ACSL1: variants seen among roughly 807,000 people sequenced by gnomAD.
ACSL1 encodes the protein acyl-CoA synthetase long chain family member 1.
ACSL1 carries 41 observed loss-of-function variants against 98.4 expected under a neutral mutation model. That is an observed-to-expected ratio of 0.42 (90% CI 0.32 to 0.54). The LOEUF (loss-of-function observed/expected upper bound fraction) is 0.54. Ranked by LOEUF, ACSL1 falls within the 20% of genes least tolerant of loss-of-function variation. ACSL1 has a pLI of 0.13. For synonymous variants in ACSL1, 316 were observed against 322.7 expected (o/e 0.98, Z 0.22); for missense variants, 734 against 883.1 (o/e 0.83, Z 2.14).
chr4:184,819,214 C>T (rs931653804), intron 1 of ACSL1, among the ~76,000 whole-genome samples: 5 of 150,398 alleles, frequency 3.3e-5, no homozygotes, highest in African/African-American at 1.2e-4. Context: ...ACGATCTTGG[C>T]TCACTGCAAC....
At chr4:184,769,951 A>C (rs1475639837) in intron 11 of ACSL1, among the ~76,000 whole-genome samples, 1 of 152,222 alleles carries the variant, frequency 6.6e-6, no homozygotes, top group African/African-American at 2.4e-5. Context: ...TCGCAAGCCA[A>C]CTTGTGCATT....
At chr4:184,798,311 A>C (rs1354899141) in intron 2 of ACSL1, 3 of 152,250 alleles carry the variant, frequency 2.0e-5, no homozygotes, top group Non-Finnish European at 4.4e-5. Context: ...ACTTGCTAAA[A>C]TTTATTCCCT....
intron 5 of ACSL1, among the ~76,000 whole-genome samples, chr4:184,779,383 GC>G (rs555552308): frequency 2.0e-5 from 3 of 152,012 alleles, no homozygotes; most frequent in South Asian, 4.2e-4. Flanking sequence ...TGATTCTGAG[GC>G]CCCCCCAGCC....
chr4:184,798,963 T>C (rs1170770335), intron 2 of ACSL1: 2 of 152,250 alleles, frequency 1.3e-5, no homozygotes, highest in African/African-American at 2.4e-5. Context: ...CAAACTCTGA[T>C]AGGTGGACCT....
intron 17 of ACSL1, among the ~76,000 whole-genome samples, chr4:184,762,070 T>A (rs1416128660): frequency 6.6e-6 from 1 of 150,710 alleles, no homozygotes; most frequent in Non-Finnish European, 1.5e-5. Context: ...GAGGTTGCAG[T>A]GAGCCGAGAT....
intron 1 of ACSL1, among the ~76,000 whole-genome samples, chr4:184,811,254 A>T (rs112536602): frequency 3.7e-4 from 55 of 150,610 alleles, no homozygotes; most frequent in Admixed American, 2.1e-3. Context: ...AACTTCAGGC[A>T]CCCGCCACCA....
chr4:184,792,325 A>G (rs998687178), intron 2 of ACSL1, among the ~76,000 whole-genome samples: 2 of 152,244 alleles, frequency 1.3e-5, no homozygotes, highest in Admixed American at 6.5e-5. Flanking sequence ...GTTGTCAGAC[A>G]TAACTGTAAT....
At chr4:184,815,146 G>T in intron 1 of ACSL1, 1 of 455,466 alleles carries the variant, frequency 2.2e-6, no homozygotes, top group Non-Finnish European at 4.4e-6. Context: ...AAAACAGTAC[G>T]CATGCACCAG....
chr4:184,817,117 T>C (rs1354858720), intron 1 of ACSL1, among the ~76,000 whole-genome samples: 1 of 152,066 alleles, frequency 6.6e-6, no homozygotes, highest in African/African-American at 2.4e-5. Flanking sequence ...TTAACCTGAC[T>C]CTCCTTAAGT....
intron 2 of ACSL1, among the ~76,000 whole-genome samples, chr4:184,800,633 A>G (rs1770331109): frequency 6.6e-6 from 1 of 152,216 alleles, no homozygotes; most frequent in Non-Finnish European, 1.5e-5. Flanking sequence ...AGAAGATAGA[A>G]GCTCTTCCTT....
chr4:184,760,191 A>C (rs1762662191), intron 18 of ACSL1, among the ~76,000 whole-genome samples, 166 bp downstream of exon 18: 1 of 152,224 alleles, frequency 6.6e-6, no homozygotes, highest in South Asian at 2.1e-4. Context: ...CCTGAGCAGG[A>C]AATGCCAAGC....
In ACSL1 at chr4:184,773,414, C is replaced by T. The variant is rs943838630; in HGVS notation, c.841+249G>A. Among the ~76,000 whole-genome samples, 2 of 152,112 alleles carry T rather than the reference C, an allele frequency of 1.3e-5. No homozygotes were observed. The highest frequency in any genetic ancestry group is 3.8e-4 in the East Asian group (2 of 5,198). ...AACCAGAAATTTTCTTCCTGGGAGC[C>T]ACCGATATAGTCTGTCCTAGGAAGA... On this transcript the variant is annotated intron_variant, in intron 9 of 20. Transcript: ENST00000281455. The surrounding 1 kb of genome is among the most constrained non-coding windows in gnomAD (Gnocchi z 4.3).
Position 184,768,308 on chromosome 4 carries a change from GA to G in ACSL1, c.1128+7del. The G allele has an allele frequency of 3.7e-6, 6 of 1,610,572 alleles. No individual in the cohort carries two copies. The South Asian group carries it at 6.6e-5, about 18-fold the overall frequency. Reference sequence around the variant, plus strand: ...CTCAGTCCTGGGACTTCGCTGCTTGGAACTTACTCGGTCAAACATCCGGTTC... The same window carrying G: ...CTCAGTCCTGGGACTTCGCTGCTTGGACTTACTCGGTCAAACATCCGGTTC... On this transcript the variant is annotated splice_region_variant and intron_variant, in intron 12 of 20. Coordinates refer to ENST00000281455, the MANE Select transcript of ACSL1 (RefSeq NM_001995.5).
chr4:184,799,692 T>G (rs1475469093), intron 2 of ACSL1, among the ~76,000 whole-genome samples: 3 of 152,012 alleles, frequency 2.0e-5, no homozygotes, highest in African/African-American at 7.2e-5. Context: ...TAAAAAAATT[T>G]TTTTTAATTA....
At chr4:184,801,565 G>T (rs182706225) in intron 2 of ACSL1, among the ~76,000 whole-genome samples, 1 of 152,254 alleles carries the variant, frequency 6.6e-6, no homozygotes, top group African/African-American at 2.4e-5. Flanking sequence ...CTATATCAAA[G>T]CATCTGTAAT....
At chr4:184,767,023 T>A (rs1203952644) in intron 12 of ACSL1, among the ~76,000 whole-genome samples, 2 of 152,102 alleles carry the variant, frequency 1.3e-5, no homozygotes, top group Non-Finnish European at 2.9e-5. Context: ...GGCCCACGCT[T>A]GTATTCCCAG....
In ACSL1 at chr4:184,766,617, G is replaced by A; in HGVS notation, c.1263+5C>T. 2 of 1,612,944 alleles carry A rather than the reference G, an allele frequency of 1.2e-6. No individual in the cohort carries two copies. Among genetic ancestry groups the A allele is most frequent in the South Asian group, 1.1e-5 (1 of 91,022 alleles). On this transcript the variant is annotated splice_donor_5th_base_variant and intron_variant, in intron 13 of 20. Transcript: ENST00000281455. This position sits in a 1 kb window ranked among gnomAD's most constrained non-coding sequence, Gnocchi z 4.8. ...TGGGAGCAGTGGCTGTGAGTCACGT[G>A]TTACCTGTACTTTGTGGAAGATCAG...
At chr4:184,826,140 G>GC (rs1384145243), upstream of ACSL1, 1 of 146,048 alleles carries the variant, frequency 6.8e-6, no homozygotes, top group Non-Finnish European at 1.5e-5. Context: ...CCCCCGGCAG[G>GC]CCCCGCCCCG....
At chr4:184,808,568 G>A in intron 1 of ACSL1, 1 of 924,328 alleles carries the variant, frequency 1.1e-6, no homozygotes, top group Non-Finnish European at 1.3e-6. Flanking sequence ...TTGTACAATA[G>A]GCTATTTACA....
Sources: gnomAD v4.1 joint callset for allele counts (sites outside exome capture counted in the v4.1 genomes callset) on GRCh38, gnomAD v4.1.1 for gene constraint, Gnocchi (gnomAD v3.1) non-coding constraint, MANE v1.5 for transcripts, NCBI Gene and HGNC (gene_info 2026-07-23, HGNC 2026-07-21) for gene names.